Variants in RBFOX2 observed in about 807,000 individuals in gnomAD.
The protein encoded by RBFOX2 is RNA binding protein fox-1 homolog 2.
A neutral mutation model predicts 49.1 loss-of-function variants in RBFOX2; 10 were observed. The observed-to-expected ratio is 0.20, with a 90% CI of 0.13 to 0.35. RBFOX2 has a LOEUF of 0.35. Ranked by LOEUF, RBFOX2 falls within the 10% of genes least tolerant of loss-of-function variation. The pLI is 1.00. For synonymous variants in RBFOX2, 183 were observed against 187.4 expected, an observed-to-expected ratio of 0.98 and a Z score of 0.19; for missense variants, 323 against 486.9, an observed-to-expected ratio of 0.66 and a Z score of 3.17.
chr22:36,007,664 C>T (rs2058667258), intron 1 of RBFOX2, among the ~76,000 whole-genome samples: 1 of 152,190 alleles, frequency 6.6e-6, no homozygotes, highest in Non-Finnish European at 1.5e-5. Flanking sequence ...CCTTATTCCT[C>T]TGTCTCTCAA....
exon 12 of RBFOX2, chr22:35,743,146 T>A (rs1255342825): frequency 6.6e-6 from 1 of 152,424 alleles, no homozygotes; most frequent in Non-Finnish European, 1.5e-5. Context: ...TTGTACTTTC[T>A]GAGGCAAGAA....
At chr22:35,885,843 A>ATTTTTTTTTTTTTTTTTTTTTTT (rs538674450) in intron 1 of RBFOX2, among the ~76,000 whole-genome samples, 3 of 83,152 alleles carry the variant, frequency 3.6e-5, no homozygotes, top group African/African-American at 1.6e-4. Context: ...CCCAAACCTA[A>ATTTTTTTTTTTTTTTTTTTTTTT]TTTTTTTTTT....
chr22:35,877,007 C>T (rs541109479), intron 1 of RBFOX2, among the ~76,000 whole-genome samples: 6 of 152,270 alleles, frequency 3.9e-5, no homozygotes, highest in Admixed American at 3.9e-4. Context: ...GTAGAGACTT[C>T]TGTAGATTTA....
intron 1 of RBFOX2, among the ~76,000 whole-genome samples, chr22:35,985,893 T>C (rs952477927): frequency 1.4e-5 from 2 of 141,062 alleles, no homozygotes; most frequent in Non-Finnish European, 3.1e-5. Context: ...GATAGATAGA[T>C]AGATAGATGG....
chr22:35,897,678 G>A (rs1426687826), intron 1 of RBFOX2: 77 of 1,255,412 alleles, frequency 6.1e-5, no homozygotes, highest in Middle Eastern at 1.9e-4. Context: ...ATACATCTAC[G>A]ACGTATACTG....
At chr22:35,755,293 A>G (rs1936522533) in intron 9 of RBFOX2, among the ~76,000 whole-genome samples, 1 of 152,226 alleles carries the variant, frequency 6.6e-6, no homozygotes. Flanking sequence ...TCAAAACTCA[A>G]AAACTTGTAC....
intron 9 of RBFOX2, among the ~76,000 whole-genome samples, chr22:35,753,714 T>G (rs1446964560): frequency 6.7e-6 from 1 of 148,200 alleles, no homozygotes; most frequent in East Asian, 2.0e-4. Flanking sequence ...AGTAAGGAAG[T>G]AAGATAACTA....
intron 1 of RBFOX2, among the ~76,000 whole-genome samples, chr22:35,968,014 C>T (rs2056662382): frequency 6.6e-6 from 1 of 152,124 alleles, no homozygotes; most frequent in African/African-American, 2.4e-5. Context: ...CATATGCTTT[C>T]ACACACCCAC....
intron 1 of RBFOX2, among the ~76,000 whole-genome samples, chr22:35,818,210 A>C (rs1953607619): frequency 6.6e-6 from 1 of 152,242 alleles, no homozygotes; most frequent in Admixed American, 6.5e-5. Context: ...ACAAGTATTT[A>C]GAACCTCAAA....
intron 1 of RBFOX2, among the ~76,000 whole-genome samples, chr22:35,816,066 G>GT (rs1319750671): frequency 2.6e-5 from 4 of 151,950 alleles, no homozygotes; most frequent in Non-Finnish European, 5.9e-5. Context: ...TCTAGGATCC[G>GT]TTTTTTTAAA....
At position 35,755,007 on chromosome 22, in the gene RBFOX2, C is replaced by T. The variant is rs565243568; in HGVS notation, c.887+4881G>A. ...CATCCCATCTCTACTTCCTGCAAAACGCAAAACCTCTGAGTGCATTCTGAA... is the reference window on the plus strand; with the variant it reads ...CATCCCATCTCTACTTCCTGCAAAATGCAAAACCTCTGAGTGCATTCTGAA... On this transcript the variant is annotated intron_variant, in intron 9 of 11. Coordinates refer to ENST00000405409, the Ensembl canonical transcript of RBFOX2. Among the ~76,000 whole-genome samples, 18 of 152,278 alleles carry T rather than the reference C, an allele frequency of 1.2e-4. No homozygotes were observed. The South Asian group carries it at 2.5e-3, about 21-fold the overall frequency.
chr22:35,947,758 AG>A lies in RBFOX2; in HGVS notation c.43-8862del, dbSNP rs778915478. 2.6e-4 allele frequency among the ~76,000 whole-genome samples: 39 copies of A among 151,566 alleles called. 1 individual carries two copies. The highest frequency in any genetic ancestry group is 5.2e-4 in the Non-Finnish European group (35 of 67,900). On this transcript the variant is annotated intron_variant, in intron 1 of 5. Coordinates refer to the RBFOX2 transcript ENST00000408983. ...GAATACAAATAAAATATTTTTGTACAGCTATACAATGTGTTTATATTTTAAG... is the reference window on the plus strand; with the variant it reads ...GAATACAAATAAAATATTTTTGTACACTATACAATGTGTTTATATTTTAAG...
chr22:35,907,163 T>C (rs1464688594), intron 1 of RBFOX2, among the ~76,000 whole-genome samples: 1 of 152,180 alleles, frequency 6.6e-6, no homozygotes, highest in African/African-American at 2.4e-5. Context: ...TCCTCTCTTC[T>C]CTTCTTCCTT....
chr22:35,972,507 T>C (rs73415736), intron 1 of RBFOX2, among the ~76,000 whole-genome samples: 11,626 of 152,100 alleles, frequency 0.076, 463 homozygotes, highest in South Asian at 0.085. Context: ...GACAATAGTC[T>C]TGATGGCCAC....
At chr22:36,001,691 A>T (rs2058431640) in intron 1 of RBFOX2, among the ~76,000 whole-genome samples, 1 of 152,132 alleles carries the variant, frequency 6.6e-6, no homozygotes, top group Admixed American at 6.5e-5. Context: ...GAGTCCAGGA[A>T]TTCAAGGTTA....
chr22:35,834,464 G>A (rs763177812), intron 1 of RBFOX2, among the ~76,000 whole-genome samples: 6 of 152,114 alleles, frequency 3.9e-5, no homozygotes, highest in Admixed American at 6.6e-5. Flanking sequence ...GTTTGGGGTC[G>A]GGGAGGAGAC....
At chr22:35,851,832 A>G (rs1455716666) in intron 1 of RBFOX2, among the ~76,000 whole-genome samples, 1 of 146,938 alleles carries the variant, frequency 6.8e-6, no homozygotes, top group Non-Finnish European at 1.5e-5. Flanking sequence ...CTCCATCTCA[A>G]AAAAAAAAAA....
At chr22:35,858,519 A>G (rs1176466522) in intron 1 of RBFOX2, among the ~76,000 whole-genome samples, 3 of 152,110 alleles carry the variant, frequency 2.0e-5, no homozygotes, top group Non-Finnish European at 4.4e-5. Flanking sequence ...CCATCTTCCT[A>G]TTTCTCACAA....
At chr22:35,826,756 CAT>C (rs1006311390) in intron 1 of RBFOX2, among the ~76,000 whole-genome samples, 14 of 152,192 alleles carry the variant, frequency 9.2e-5, no homozygotes, top group African/African-American at 3.4e-4. Flanking sequence ...TTTTCCTATA[CAT>C]ATATAACTGT....
Sources: allele counts gnomAD v4.1 joint callset (sites outside exome capture counted in the v4.1 genomes callset), GRCh38; gene constraint gnomAD v4.1.1; transcripts MANE v1.5; gene names NCBI Gene and HGNC (gene_info 2026-07-23, HGNC 2026-07-21).